DISC1: variants seen among roughly 807,000 people sequenced by gnomAD.
The protein encoded by DISC1 is DISC1 scaffold protein.
DISC1 carries 57 observed loss-of-function variants against 84.5 expected under a neutral mutation model. The ratio of observed to expected loss-of-function variants is 0.67; its 90% CI spans 0.55 to 0.84. The LOEUF is 0.84. Ranked by LOEUF, DISC1 falls within the 40% of genes least tolerant of loss-of-function variation. DISC1 has a pLI of 0.00. For missense variants in DISC1, 1,000 were observed against 1,057.8 expected (o/e 0.95, Z 0.76); for synonymous variants, 411 against 415.2 (o/e 0.99, Z 0.12).
At chr1:231,837,815 A>T (rs112016761) in intron 9 of DISC1, among the ~76,000 whole-genome samples, 1,763 of 152,308 alleles carry the variant, frequency 0.012, 33 homozygotes, top group African/African-American at 0.04. Context: ...GAAGCATGCC[A>T]TTGTGGATGT....
chr1:231,779,610 C>G (rs2812394), intron 6 of DISC1, among the ~76,000 whole-genome samples: 54,548 of 137,564 alleles, frequency 0.4, 10,651 homozygotes, highest in Middle Eastern at 0.48. Context: ...GCCCAGGCTG[C>G]AGTGCGGTGG....
chr1:231,815,190 T>A lies in DISC1; in HGVS notation c.1793-3139T>A, dbSNP rs1488369530. On this transcript the variant is annotated intron_variant, in intron 8 of 12. Coordinates refer to ENST00000439617, the MANE Select transcript of DISC1 (RefSeq NM_018662.3). ...AAAAATTTCTTAATTTTTCCTCTTTTTAATTGAGGTATGGTTTATATTCAG... is the reference window on the plus strand; with the variant it reads ...AAAAATTTCTTAATTTTTCCTCTTTATAATTGAGGTATGGTTTATATTCAG... The A allele has an allele frequency of 2.0e-5, 3 of 152,082 alleles. No homozygotes were observed. The South Asian group carries it at 6.2e-4, about 32-fold the overall frequency. 9.4% of individuals were successfully genotyped at this position (152,082 alleles called of 1,614,324 possible). A position where few individuals can be genotyped will look rare whatever the true frequency, so the allele number is the denominator to read the frequency against.
At chr1:231,767,535 A>AATCC (rs1296809769) in intron 5 of DISC1, among the ~76,000 whole-genome samples, 2 of 152,160 alleles carry the variant, frequency 1.3e-5, no homozygotes, top group African/African-American at 4.8e-5. Flanking sequence ...GGGCTCAAAG[A>AATCC]ATCCTCCTGC....
At chr1:231,750,595 T>C (rs1239175484) in intron 4 of DISC1, 1 of 985,322 alleles carries the variant, frequency 1.0e-6, no homozygotes, top group East Asian at 1.1e-4. Flanking sequence ...CTTGTGGTCC[T>C]GGCTGCATGT....
At chr1:231,648,252 G>T (rs1421526284) in intron 1 of DISC1, among the ~76,000 whole-genome samples, 4 of 152,050 alleles carry the variant, frequency 2.6e-5, no homozygotes, top group Admixed American at 2.6e-4. Flanking sequence ...CTAGTTTATT[G>T]AGTTTTTAGC....
At chr1:231,878,198 A>G (rs1186409053) in intron 9 of DISC1, among the ~76,000 whole-genome samples, 3 of 152,214 alleles carry the variant, frequency 2.0e-5, no homozygotes, top group African/African-American at 7.2e-5. Flanking sequence ...TGCATGGCCC[A>G]TAGTCTAGTT....
intron 9 of DISC1, 90 bp from the exon 10 acceptor site, chr1:231,958,738 A>C: frequency 7.6e-7 from 1 of 1,317,462 alleles, no homozygotes; most frequent in South Asian, 1.2e-5. Context: ...GCTTGACCTC[A>C]ATCCTTTGGC....
At chr1:231,818,232 C>G in intron 8 of DISC1, 97 bp from the exon 9 acceptor site, 1 of 1,236,816 alleles carries the variant, frequency 8.1e-7, no homozygotes, top group Non-Finnish European at 1.2e-6. Context: ...GTTTCTTTGC[C>G]CATGCTGTGA....
At chr1:232,021,874 A>G (rs1668992701) in intron 11 of DISC1, among the ~76,000 whole-genome samples, 2 of 152,204 alleles carry the variant, frequency 1.3e-5, no homozygotes, top group South Asian at 4.1e-4. Flanking sequence ...GGCTGGGACC[A>G]TCTGAAGGTT....
At chr1:231,681,024 T>G (rs1209331254) in intron 1 of DISC1, among the ~76,000 whole-genome samples, 6 of 152,240 alleles carry the variant, frequency 3.9e-5, no homozygotes, top group African/African-American at 1.4e-4. Context: ...GGGCTCCTTC[T>G]GGTTCATCCA....
At position 231,895,947 on chromosome 1, in the gene DISC1, G is replaced by A. The variant is rs550574869; in HGVS notation, c.1982-62881G>A. Among the ~76,000 whole-genome samples, 23 of 152,226 alleles carry A rather than the reference G, an allele frequency of 1.5e-4. No homozygotes were observed. In the South Asian group the frequency reaches 3.1e-3, roughly 21 times the overall value. Reference sequence around the variant, plus strand: ...CATGCTGCTCCCTGGTCTAGAACACGTCACAGTTCATGGCTTATTGTCGTA... The same window carrying A: ...CATGCTGCTCCCTGGTCTAGAACACATCACAGTTCATGGCTTATTGTCGTA... On this transcript the variant is annotated intron_variant, in intron 9 of 12. Transcript: ENST00000439617.
At chr1:231,767,765 A>G (rs909324146) in intron 5 of DISC1, among the ~76,000 whole-genome samples, 1 of 152,252 alleles carries the variant, frequency 6.6e-6, no homozygotes, top group Non-Finnish European at 1.5e-5. Flanking sequence ...TTGAAAGCTC[A>G]GCAGCATTTG....
At position 231,897,390 on chromosome 1, in the gene DISC1, C is replaced by G. The variant is rs1375667421; in HGVS notation, c.1982-61438C>G. ...CCTTACTTTTCTCCTCTCTGGGTTA[C>G]AGTGGCAGGTTGTTTTATCTTCCCC... On this transcript the variant is annotated intron_variant, in intron 9 of 12. Transcript: ENST00000439617. This position sits in a 1 kb window ranked among gnomAD's most constrained non-coding sequence, Gnocchi z 4.5. 1.3e-5 allele frequency among the ~76,000 whole-genome samples: 2 copies of G among 152,162 alleles called. No individual in the cohort carries two copies.
intron 9 of DISC1, among the ~76,000 whole-genome samples, chr1:231,900,124 G>T (rs1037276436): frequency 6.6e-6 from 1 of 152,170 alleles, no homozygotes; most frequent in African/African-American, 2.4e-5. Flanking sequence ...CTTGCACCCT[G>T]CTGCCTTTCA....
intron 10 of DISC1, among the ~76,000 whole-genome samples, chr1:231,982,699 GC>G (rs138720112): frequency 0.041 from 6,278 of 152,238 alleles, 434 homozygotes; most frequent in African/African-American, 0.14. Context: ...TCAGGTGTCA[GC>G]CATGTGAAGA....
chr1:231,733,831 G>A (rs2072047573), intron 3 of DISC1, among the ~76,000 whole-genome samples: 1 of 150,544 alleles, frequency 6.6e-6, no homozygotes, highest in Non-Finnish European at 1.5e-5. Context: ...GGTGGTACGA[G>A]TTATGGTGAT....
chr1:231,922,825 A>G (rs2090090898), intron 9 of DISC1, among the ~76,000 whole-genome samples: 1 of 152,174 alleles, frequency 6.6e-6, no homozygotes, highest in South Asian at 2.1e-4. Context: ...GGCGCTCCTC[A>G]GAGCACCTTC....
rs373866059 is a variant in DISC1 at position 232,013,399 on chromosome 1, CTCATTTGTTCAGATTGAGGTCT to C, written c.2307+4354_2307+4375del. On this transcript the variant is annotated intron_variant, in intron 11 of 12. Coordinates refer to ENST00000439617, the MANE Select transcript of DISC1 (RefSeq NM_018662.3). ...ATAAGACACAACGCAACCAGGTAGC[CTCATTTGTTCAGATTGAGGTCT>C]TCAAAAAGCATTTTAAGTTTACGGG... Among the ~76,000 whole-genome samples, 927 of 152,256 alleles carry C rather than the reference CTCATTTGTTCAGATTGAGGTCT, an allele frequency of 6.1e-3. 7 individuals carry two copies. The highest frequency in any genetic ancestry group is 0.021 in the African/African-American group (882 of 41,534).
At chr1:231,819,427 T>G (rs1459278668) in intron 9 of DISC1, among the ~76,000 whole-genome samples, 1 of 152,192 alleles carries the variant, frequency 6.6e-6, no homozygotes, top group Non-Finnish European at 1.5e-5. Context: ...ATGAATAAAT[T>G]TTCTTTTAAA....
Sources: gnomAD v4.1 joint callset for allele counts (sites outside exome capture counted in the v4.1 genomes callset) on GRCh38, gnomAD v4.1.1 for gene constraint, Gnocchi (gnomAD v3.1) non-coding constraint, MANE v1.5 for transcripts, NCBI Gene and HGNC (gene_info 2026-07-23, HGNC 2026-07-21) for gene names.